TMEM132C: variants seen among roughly 807,000 people sequenced by gnomAD.
TMEM132C encodes the protein transmembrane protein 132C, also known as protein phosphatase 1, regulatory subunit 152.
A neutral mutation model predicts 61.4 loss-of-function variants in TMEM132C; 29 were observed. That is an observed-to-expected ratio of 0.47 (90% CI 0.35 to 0.64). The LOEUF is 0.64. TMEM132C is among the 30% of genes least tolerant of loss of function. The pLI, the probability that TMEM132C is intolerant of heterozygous loss-of-function variation, is 0.00. For synonymous variants in TMEM132C, 656 were observed against 633.1 expected (o/e 1.04, Z -0.54); for missense variants, 1,408 against 1,476.9 (o/e 0.95, Z 0.76).
rs1433375223 is a variant in TMEM132C, at chr12:128,707,010, C to T, written c.*715C>T. The stretch of plus-strand genomic sequence containing the variant: ...TATTCATTAGATAGGTTCCTAGGAA[C>T]AATGCCAATTAATCCATTGTTTAAG... On this transcript the variant is annotated 3_prime_UTR_variant, in exon 9 of 9. Coordinates refer to ENST00000435159, the MANE Select transcript of TMEM132C (RefSeq NM_001136103.3). 1 of 152,182 alleles carries T rather than the reference C, an allele frequency of 6.6e-6. No homozygotes were observed. The highest frequency in any genetic ancestry group is 2.4e-5 in the African/African-American group (1 of 41,442). 9.4% of individuals were successfully genotyped at this position (152,182 alleles called of 1,614,324 possible).
intron 1 of TMEM132C, among the ~76,000 whole-genome samples, chr12:128,376,209 G>T (rs960492599): frequency 6.6e-6 from 1 of 152,218 alleles, no homozygotes; most frequent in Non-Finnish European, 1.5e-5. Context: ...TACTGCAGTA[G>T]CCTGCCCTAA....
In TMEM132C at chr12:128,703,217, G is replaced by A. The variant is rs141265224; in HGVS notation, c.2122-1873G>A. Among the ~76,000 whole-genome samples the A allele has an allele frequency of 3.6e-3, 548 of 152,218 alleles. 2 individuals are homozygous for A. The highest frequency in any genetic ancestry group is 0.013 in the African/African-American group (528 of 41,534). ...ATGTAGCTACACTTGTGTCATGGGG[G>A]TTGGTTGTACAGATTATTTCATGAC... On this transcript the variant is annotated intron_variant, in intron 8 of 8. Coordinates refer to ENST00000435159, the MANE Select transcript of TMEM132C (RefSeq NM_001136103.3).
intron 2 of TMEM132C, among the ~76,000 whole-genome samples, chr12:128,489,177 C>T (rs1871615085): frequency 6.6e-6 from 1 of 152,054 alleles, no homozygotes; most frequent in Admixed American, 6.6e-5. Context: ...CCCCTGTCCA[C>T]CCCAGTCAGT....
chr12:128,701,198 C>G (rs1199653354), intron 8 of TMEM132C, among the ~76,000 whole-genome samples: 1 of 151,594 alleles, frequency 6.6e-6, no homozygotes, highest in Non-Finnish European at 1.5e-5. Context: ...GTAGGCACAA[C>G]CACATGGATT....
chr12:128,604,375 A>T (rs1876323777), intron 3 of TMEM132C, among the ~76,000 whole-genome samples: 1 of 151,586 alleles, frequency 6.6e-6, no homozygotes, highest in South Asian at 2.1e-4. Flanking sequence ...AGAGGGATAG[A>T]TAGATGGCTA....
At chr12:128,290,865 AAT>A in intron 1 of TMEM132C, among the ~76,000 whole-genome samples, 1 of 151,110 alleles carries the variant, frequency 6.6e-6, no homozygotes, top group Admixed American at 6.6e-5. Flanking sequence ...AAAAAAAAGA[AAT>A]AAGTGATTTC....
intron 4 of TMEM132C, among the ~76,000 whole-genome samples, chr12:128,649,139 C>A (rs1954241633): frequency 6.6e-6 from 1 of 152,230 alleles, no homozygotes; most frequent in Non-Finnish European, 1.5e-5. Flanking sequence ...GATTTATCAG[C>A]AGCTCTCCAG....
intron 1 of TMEM132C, among the ~76,000 whole-genome samples, chr12:128,285,742 T>C (rs1194591058): frequency 7.5e-5 from 8 of 106,110 alleles, no homozygotes; most frequent in Non-Finnish European, 1.3e-4. Context: ...TCTCTCCCCA[T>C]CTCTATCCCT....
intron 1 of TMEM132C, among the ~76,000 whole-genome samples, chr12:128,338,214 G>A (rs1479867941): frequency 6.6e-6 from 1 of 152,106 alleles, no homozygotes; most frequent in South Asian, 2.1e-4. Flanking sequence ...TGAAGCACTG[G>A]TTAGGTTTGC....
intron 4 of TMEM132C, among the ~76,000 whole-genome samples, chr12:128,659,395 G>T (rs1334056318): frequency 3.3e-5 from 5 of 152,180 alleles, no homozygotes; most frequent in African/African-American, 4.8e-5. Flanking sequence ...GCACATGGTT[G>T]CCATCTCTGT....
chr12:128,381,910 G>A (rs1412479597), intron 1 of TMEM132C, among the ~76,000 whole-genome samples: 1 of 152,164 alleles, frequency 6.6e-6, no homozygotes, highest in Non-Finnish European at 1.5e-5. Flanking sequence ...GCTTTTAAGA[G>A]GAAGACAACC....
chr12:128,574,584 C>G (rs1270919833), intron 3 of TMEM132C, among the ~76,000 whole-genome samples: 1 of 152,202 alleles, frequency 6.6e-6, no homozygotes, highest in Non-Finnish European at 1.5e-5. Flanking sequence ...TGGCCAAGTT[C>G]AATTGTCCTT....
At chr12:128,538,704 G>A (rs529031990) in intron 2 of TMEM132C, among the ~76,000 whole-genome samples, 6 of 152,130 alleles carry the variant, frequency 3.9e-5, no homozygotes, top group Non-Finnish European at 7.3e-5. Context: ...GCATATCACC[G>A]AGTAACGCAC....
rs554960833 is a variant in TMEM132C, at chr12:128,593,627, C to T, written c.1122-22525C>T. ...GGCAGGTCCTGATTCTGCAGGAGGCCGGTGCCTACTTTACGGCATTGTTTT... is the reference window on the plus strand; with the variant it reads ...GGCAGGTCCTGATTCTGCAGGAGGCTGGTGCCTACTTTACGGCATTGTTTT... On this transcript the variant is annotated intron_variant, in intron 3 of 8. Coordinates refer to ENST00000435159, the MANE Select transcript of TMEM132C (RefSeq NM_001136103.3). 4.6e-5 allele frequency among the ~76,000 whole-genome samples: 7 copies of T among 152,274 alleles called. No homozygotes were observed. The South Asian group carries it at 1.0e-3, about 23-fold the overall frequency.
At chr12:128,427,251 A>G (rs1460286151) in intron 2 of TMEM132C, among the ~76,000 whole-genome samples, 2 of 152,138 alleles carry the variant, frequency 1.3e-5, no homozygotes, top group African/African-American at 4.8e-5. Context: ...TTTCAAAAGC[A>G]TTTTGATTGC....
At chr12:128,310,966 G>A (rs1291725237) in intron 1 of TMEM132C, among the ~76,000 whole-genome samples, 6 of 151,628 alleles carry the variant, frequency 4.0e-5, no homozygotes, top group Non-Finnish European at 8.8e-5. Flanking sequence ...AAATTATATG[G>A]GTGTATTAAA....
At chr12:128,317,049 C>T (rs1353845398) in intron 1 of TMEM132C, among the ~76,000 whole-genome samples, 5 of 152,174 alleles carry the variant, frequency 3.3e-5, no homozygotes, top group African/African-American at 1.2e-4. Flanking sequence ...TTTTCTGTTG[C>T]TCAGTAACCA....
intron 3 of TMEM132C, among the ~76,000 whole-genome samples, chr12:128,569,177 G>T (rs777208105): frequency 3.3e-5 from 5 of 152,204 alleles, no homozygotes; most frequent in Non-Finnish European, 5.9e-5. Context: ...GTGAGCACAG[G>T]CAGAGGGCAC....
chr12:128,626,272 G>A lies in TMEM132C; in HGVS notation c.1305+9937G>A, dbSNP rs142110402. Among the ~76,000 whole-genome samples the A allele has an allele frequency of 7.1e-3, 1,024 of 144,688 alleles. 9 individuals are homozygous for A. Among genetic ancestry groups the A allele is most frequent in the African/African-American group, 0.025 (972 of 38,964 alleles). 94.9% of individuals were successfully genotyped at this position (144,688 alleles called of 152,430 possible). ...CTCCCAAGTAGCTGGGATTACAGGCGCTCACCACCACGCCCAGCTAATGTT... is the reference window on the plus strand; with the variant it reads ...CTCCCAAGTAGCTGGGATTACAGGCACTCACCACCACGCCCAGCTAATGTT... On this transcript the variant is annotated intron_variant, in intron 4 of 8. Transcript: ENST00000435159.
Sources: allele counts gnomAD v4.1 joint callset (sites outside exome capture counted in the v4.1 genomes callset), GRCh38; gene constraint gnomAD v4.1.1; transcripts MANE v1.5; gene names NCBI Gene and HGNC (gene_info 2026-07-23, HGNC 2026-07-21).